The following ASB7 variants were observed in gnomAD, a reference collection of about 807,000 sequenced individuals.
The protein encoded by ASB7 is ankyrin repeat and SOCS box containing 7.
In ASB7, 4 loss-of-function variants were observed where a neutral mutation model predicts 32.5. That is an observed-to-expected ratio of 0.12 (90% CI 0.06 to 0.28). The LOEUF is 0.28. ASB7 is among the 10% of genes least tolerant of loss of function. ASB7 has a pLI of 1.00. For synonymous variants in ASB7, 172 were observed against 155.6 expected (o/e 1.11, Z -0.78); for missense variants, 181 against 407.1 (o/e 0.44, Z 4.78).
At chr15:100,646,971 T>C (rs978634317) in intron 5 of ASB7, among the ~76,000 whole-genome samples, 5 of 152,306 alleles carry the variant, frequency 3.3e-5, no homozygotes, top group Non-Finnish European at 7.4e-5. Flanking sequence ...TCAGCTATCA[T>C]CTATTAAACC....
At chr15:100,638,232 TTC>T (rs2039937827) in intron 5 of ASB7, 1 of 152,304 alleles carries the variant, frequency 6.6e-6, no homozygotes, top group Admixed American at 6.5e-5. Flanking sequence ...TCTAATGTAT[TTC>T]TGTTTAAAGT....
chr15:100,650,820 T>C lies in ASB7; in HGVS notation c.*2358T>C, dbSNP rs2040026954. ...TAAAAAGAATGTTTTATTTTTGTTG[T>C]TAATAAAATCCCAATCACATTTCAC... On this transcript the variant is annotated 3_prime_UTR_variant, in exon 6 of 6. Transcript: ENST00000332783. The C allele has an allele frequency of 6.6e-6, 1 of 152,252 alleles. No individual in the cohort carries two copies. The highest frequency in any genetic ancestry group is 6.5e-5 in the Admixed American group (1 of 15,288). The allele number at this position is 152,252 out of a possible 1,614,324, so 9.4% of individuals were successfully genotyped here. A position where few individuals can be genotyped will look rare whatever the true frequency, so the allele number is the denominator to read the frequency against.
At chr15:100,639,183 A>G (rs186366506) in intron 5 of ASB7, among the ~76,000 whole-genome samples, 117 of 152,352 alleles carry the variant, frequency 7.7e-4, no homozygotes, top group African/African-American at 2.7e-3. Flanking sequence ...AAAAAGATCA[A>G]GTAGATGGGA....
chr15:100,608,430 G>A (rs1454655367), intron 2 of ASB7, among the ~76,000 whole-genome samples: 1 of 152,150 alleles, frequency 6.6e-6, no homozygotes, highest in Non-Finnish European at 1.5e-5. Context: ...GTATCAATGT[G>A]AACTCTTGAT....
In ASB7 at chr15:100,646,672, G is replaced by A. The variant is rs187198921; in HGVS notation, c.818-1651G>A. On this transcript the variant is annotated intron_variant, in intron 5 of 5. Coordinates refer to ENST00000332783, the MANE Select transcript of ASB7 (RefSeq NM_198243.3). ...CTGAGCCATGTCAGGGAGTGTACAC[G>A]ACTTGCCCACAGTTATGGGTTAGTA... is the stretch of plus-strand genomic sequence containing the variant. 4 of 219,532 alleles carry A rather than the reference G, an allele frequency of 1.8e-5. No individual in the cohort carries two copies. The Admixed American group carries it at 1.9e-4, about 11-fold the overall frequency. The allele number at this position is 219,532 out of a possible 1,614,324, so 13.6% of individuals were successfully genotyped here. A position where few individuals can be genotyped will look rare whatever the true frequency, so the allele number is the denominator to read the frequency against.
intron 5 of ASB7, among the ~76,000 whole-genome samples, chr15:100,642,302 T>G (rs1247113159): frequency 1.3e-5 from 2 of 152,214 alleles, no homozygotes; most frequent in African/African-American, 4.8e-5. Context: ...TTGCATCTTA[T>G]CATAGACAGT....
At chr15:100,617,918 C>T (rs144799212) in intron 4 of ASB7, among the ~76,000 whole-genome samples, 2 of 152,144 alleles carry the variant, frequency 1.3e-5, no homozygotes, top group African/African-American at 4.8e-5. Context: ...TGGAAATGGG[C>T]CGCGTTATGG....
intron 5 of ASB7, among the ~76,000 whole-genome samples, chr15:100,637,132 C>T (rs1180419401): frequency 1.3e-5 from 2 of 152,226 alleles, no homozygotes; most frequent in Non-Finnish European, 2.9e-5. Flanking sequence ...GGCAAGCATT[C>T]TTACTGCGTA....
At chr15:100,620,012 A>G (rs1300388831) in intron 4 of ASB7, among the ~76,000 whole-genome samples, 1 of 152,212 alleles carries the variant, frequency 6.6e-6, no homozygotes, top group African/African-American at 2.4e-5. Context: ...AGTTCCTCGG[A>G]CACAGTAGCC....
Position 100,629,348 on chromosome 15 carries a change from G to T in ASB7, c.212-89G>T. 1 of 1,194,796 alleles carries T rather than the reference G, an allele frequency of 8.4e-7. No homozygotes were observed. Among genetic ancestry groups the T allele is most frequent in the South Asian group, 1.5e-5 (1 of 67,910 alleles). 74.0% of individuals were successfully genotyped at this position (1,194,796 alleles called of 1,614,324 possible). A position where few individuals can be genotyped will look rare whatever the true frequency, so the allele number is the denominator to read the frequency against. The stretch of plus-strand genomic sequence containing the variant: ...TGTTTGGTTGCTTCACATTTTATAT[G>T]AGAATTGGCCACAGTTTGCTGTGCC... On this transcript the variant is annotated intron_variant, in intron 4 of 5. Coordinates refer to ENST00000332783, the MANE Select transcript of ASB7 (RefSeq NM_198243.3). The surrounding 1 kb of genome is among the most constrained non-coding windows in gnomAD (Gnocchi z 6.8).
chr15:100,607,145 C>A (rs1467363110), intron 2 of ASB7, among the ~76,000 whole-genome samples: 3 of 146,636 alleles, frequency 2.0e-5, no homozygotes, highest in African/African-American at 7.4e-5. Flanking sequence ...GAGCGAGCCT[C>A]CGTCTCAAAA....
intron 4 of ASB7, among the ~76,000 whole-genome samples, chr15:100,624,971 C>G (rs753661730): frequency 1.3e-5 from 2 of 152,104 alleles, no homozygotes. Context: ...ATCTGAAAAT[C>G]AATAGGCTGA....
At chr15:100,604,486 A>G (rs963179530) in intron 2 of ASB7, among the ~76,000 whole-genome samples, 1 of 152,168 alleles carries the variant, frequency 6.6e-6, no homozygotes, top group Non-Finnish European at 1.5e-5. Flanking sequence ...AGAAGTTAAT[A>G]TTTTTGATTT....
intron 4 of ASB7, among the ~76,000 whole-genome samples, chr15:100,614,500 T>C (rs2039724794): frequency 6.6e-6 from 1 of 152,124 alleles, no homozygotes; most frequent in Non-Finnish European, 1.5e-5. Flanking sequence ...GCTTTGTAAC[T>C]ACCCAGCTCT....
intron 2 of ASB7, among the ~76,000 whole-genome samples, chr15:100,607,522 T>C (rs1214301485): frequency 6.6e-6 from 1 of 152,160 alleles, no homozygotes; most frequent in Non-Finnish European, 1.5e-5. Flanking sequence ...GTGCATGACG[T>C]GTGTGTATGT....
Position 100,614,727 on chromosome 15 carries a change from A to G in ASB7, c.211+2300A>G, listed in dbSNP as rs546369711. Among the ~76,000 whole-genome samples the G allele has an allele frequency of 3.0e-4, 45 of 150,768 alleles. No homozygotes were observed. In the East Asian group the frequency reaches 4.8e-3, roughly 16 times the overall value. ...CATGAATAAAATGCACTAACACTTA[A>G]CAACAGCTGATGAGCAAAAAAAAAA... On this transcript the variant is annotated intron_variant, in intron 4 of 5. Coordinates refer to ENST00000332783, the MANE Select transcript of ASB7 (RefSeq NM_198243.3).
chr15:100,629,778 C>A lies in ASB7; in HGVS notation c.553C>A (p.Arg185=). The A allele has an allele frequency of 1.2e-6, 2 of 1,614,196 alleles. No individual in the cohort carries two copies. The highest frequency in any genetic ancestry group is 1.6e-4 in the Middle Eastern group (1 of 6,062). Residue 185 remains arginine (R), a synonymous_variant, in exon 5 of 6, where the codon CGA becomes AGA. Transcript: ENST00000332783. The surrounding 1 kb of genome is among the most constrained non-coding windows in gnomAD (Gnocchi z 6.8). ...NIDIQNGFLL[R]YAVIKSNHSY... ...CGACATTCAGAATGGTTTCCTGTTG[C>A]GATACGCCGTGATCAAAAGCAATCA...
chr15:100,626,944 G>A (rs2039844371), intron 4 of ASB7, among the ~76,000 whole-genome samples: 1 of 152,122 alleles, frequency 6.6e-6, no homozygotes, highest in African/African-American at 2.4e-5. Flanking sequence ...TCTGGGAAGG[G>A]CTAAAGAGAG....
At chr15:100,610,462 T>G (rs1427141269) in intron 3 of ASB7, among the ~76,000 whole-genome samples, 1 of 149,854 alleles carries the variant, frequency 6.7e-6, no homozygotes, top group Non-Finnish European at 1.5e-5. Flanking sequence ...GCCACTGCAC[T>G]CCAACCTGGG....
Sources: allele counts gnomAD v4.1 joint callset (sites outside exome capture counted in the v4.1 genomes callset), GRCh38; gene constraint gnomAD v4.1.1; non-coding constraint Gnocchi (gnomAD v3.1); transcripts MANE v1.5; gene names NCBI Gene and HGNC (gene_info 2026-07-23, HGNC 2026-07-21).